The following HECTD4 variants were observed in gnomAD, a reference collection of about 807,000 sequenced individuals.
HECTD4 encodes the protein HECT domain E3 ubiquitin protein ligase 4.
In HECTD4, 114 loss-of-function variants were observed where a neutral mutation model predicts 471.5. The ratio of observed to expected loss-of-function variants is 0.24; its 90% CI spans 0.21 to 0.28. The LOEUF is 0.28. Ranked by LOEUF, HECTD4 falls within the 10% of genes least tolerant of loss-of-function variation. HECTD4 has a pLI of 1.00. For missense variants in HECTD4, 3,866 were observed against 5,651.5 expected, an observed-to-expected ratio of 0.68 and a Z score of 10.13; for synonymous variants, 2,012 against 2,256.0, an observed-to-expected ratio of 0.89 and a Z score of 3.07.
chr12:112,225,249 T>C (rs994868888), intron 44 of HECTD4, among the ~76,000 whole-genome samples: 20 of 131,934 alleles, frequency 1.5e-4, no homozygotes, highest in African/African-American at 5.7e-4. Flanking sequence ...TAACAAAAAC[T>C]ACAAACAGAA....
chr12:112,176,531 G>C (rs1227286519), intron 65 of HECTD4, 65 bp downstream of exon 65: 1 of 1,131,220 alleles, frequency 8.8e-7, no homozygotes, highest in Non-Finnish European at 1.3e-6. Context: ...TGCTCCTCGG[G>C]GGGTGCCTAG....
At chr12:112,219,343 G>T in intron 45 of HECTD4, 43 bp downstream of exon 45, 3 of 1,383,920 alleles carry the variant, frequency 2.2e-6, no homozygotes, top group Non-Finnish European at 3.1e-6. Flanking sequence ...TCAGTGATGT[G>T]TGTGGAGGCT....
At chr12:112,257,469 T>C (rs1381485313) in intron 20 of HECTD4, among the ~76,000 whole-genome samples, 1 of 152,236 alleles carries the variant, frequency 6.6e-6, no homozygotes, top group Non-Finnish European at 1.5e-5. Flanking sequence ...TACAACTTGA[T>C]AAGTTTGGAC....
chr12:112,367,176 C>T (rs983921269), intron 1 of HECTD4, among the ~76,000 whole-genome samples: 1 of 151,184 alleles, frequency 6.6e-6, no homozygotes, highest in Non-Finnish European at 1.5e-5. Flanking sequence ...GTGGCGCACA[C>T]CTGTAATCCC....
chr12:112,237,546 G>A (rs1043032915), intron 34 of HECTD4, among the ~76,000 whole-genome samples: 16 of 151,768 alleles, frequency 1.1e-4, no homozygotes, highest in African/African-American at 3.9e-4. Context: ...CTTTTAGATC[G>A]CTGAGTCTAC....
intron 55 of HECTD4, among the ~76,000 whole-genome samples, chr12:112,198,576 A>G (rs1238060152): frequency 4.6e-5 from 7 of 152,022 alleles, no homozygotes; most frequent in Admixed American, 4.6e-4. Flanking sequence ...GCAGATGGGG[A>G]CATATTTTGG....
At chr12:112,260,099 C>A (rs1185350437) in intron 18 of HECTD4, among the ~76,000 whole-genome samples, 2 of 152,090 alleles carry the variant, frequency 1.3e-5, no homozygotes, top group Admixed American at 1.3e-4. Context: ...AAACTCTATG[C>A]GCATTAAACA....
chr12:112,267,150 G>T, intron 13 of HECTD4, 168 bp from the exon 14 acceptor site: 1 of 587,456 alleles, frequency 1.7e-6, no homozygotes, highest in Non-Finnish European at 3.1e-6. Context: ...GATCTGGCTG[G>T]CTAGGCAGGT....
At chr12:112,278,669 G>A (rs1169091942) in intron 9 of HECTD4, among the ~76,000 whole-genome samples, 1 of 152,166 alleles carries the variant, frequency 6.6e-6, no homozygotes, top group Admixed American at 6.5e-5. Flanking sequence ...AAGGTGGGTG[G>A]ATCACCTGAG....
Position 112,248,118 on chromosome 12 carries a change from CT to C in HECTD4, c.4196del (p.Gln1399ArgfsTer21), listed in dbSNP as rs748156517. 1 of 1,613,632 alleles carries C rather than the reference CT, an allele frequency of 6.2e-7. No homozygotes were observed. Among genetic ancestry groups the C allele is most frequent in the Non-Finnish European group, 8.5e-7 (1 of 1,179,776 alleles). ...AAGGCATGTTGTTCTCCAGTTTCCC[CT>C]GCATGGCATCATCAACTTCACTTTG... ...KWQSEVDDAM[Q>X]GKLENNMPFF... On this transcript the variant is annotated frameshift_variant, in exon 27 of 76. Coordinates refer to ENST00000682272, the MANE Select transcript of HECTD4 (RefSeq NM_001388303.1). LOFTEE classifies it high-confidence loss of function.
chr12:112,296,237 G>A (rs1398885360), intron 7 of HECTD4, among the ~76,000 whole-genome samples: 3 of 147,978 alleles, frequency 2.0e-5, no homozygotes, highest in Non-Finnish European at 4.4e-5. Context: ...ACAGTGGTAG[G>A]TGCAGAGCGT....
Position 112,184,648 on chromosome 12 carries a change from C to T in HECTD4, c.10318G>A (p.Asp3440Asn), listed in dbSNP as rs758592425. 1 of 1,613,882 alleles carries T rather than the reference C, an allele frequency of 6.2e-7. No homozygotes were observed. Reference sequence around the variant, plus strand: ...GCCTTGTCTTTTGGCTTCTTGGTGTCTTCTTCCTGCAGCGGGATGTAGATC... The same window carrying T: ...GCCTTGTCTTTTGGCTTCTTGGTGTTTTCTTCCTGCAGCGGGATGTAGATC... ...DEIYIPLQEE[D>N]TKKPKDKAEG... is the part of the protein sequence containing the mutation. Residue 3440 changes from aspartate to asparagine, a missense_variant, in exon 61 of 76, where the codon GAC (aspartate) becomes AAC (asparagine). Around this residue, in one of 16 missense-constraint regions of HECTD4, gnomAD observed 71 missense variants for 144.5 expected, o/e 0.49. Transcript: ENST00000682272. This position sits in a 1 kb window ranked among gnomAD's most constrained non-coding sequence, Gnocchi z 9.1.
At chr12:112,330,497 T>C (rs527414029) in intron 1 of HECTD4, among the ~76,000 whole-genome samples, 2 of 152,280 alleles carry the variant, frequency 1.3e-5, no homozygotes, top group Admixed American at 6.5e-5. Flanking sequence ...AAAATCACTA[T>C]TGACAATTTT....
chr12:112,335,728 C>T (rs2035945532), intron 1 of HECTD4, among the ~76,000 whole-genome samples: 1 of 152,066 alleles, frequency 6.6e-6, no homozygotes, highest in Non-Finnish European at 1.5e-5. Flanking sequence ...GTATACTGCT[C>T]AGATGATGGG....
At chr12:112,230,934 A>G in intron 39 of HECTD4, 112 bp from the exon 40 acceptor site, 1 of 974,954 alleles carries the variant, frequency 1.0e-6, no homozygotes, top group Non-Finnish European at 1.5e-6. Context: ...TACAAGAAAA[A>G]GTGGATTCCA....
chr12:112,215,514 G>T (rs1416059588), intron 48 of HECTD4, among the ~76,000 whole-genome samples: 2 of 152,302 alleles, frequency 1.3e-5, no homozygotes, highest in South Asian at 4.1e-4. Flanking sequence ...TTTACATGGA[G>T]ACTAAAAAGA....
chr12:112,382,163 C>T lies in HECTD4; in HGVS notation c.-35G>A. On this transcript the variant is annotated 5_prime_UTR_variant, in exon 1 of 76. Coordinates refer to ENST00000682272, the MANE Select transcript of HECTD4 (RefSeq NM_001388303.1). ...TGAAGGCTTGGCGCTGAGGAGCAGACGCCCGGCCGGGGGAAACGGAGCAGG... is the reference window on the plus strand; with the variant it reads ...TGAAGGCTTGGCGCTGAGGAGCAGATGCCCGGCCGGGGGAAACGGAGCAGG... 1 of 1,214,128 alleles carries T rather than the reference C, an allele frequency of 8.2e-7. No homozygotes were observed. Among genetic ancestry groups the T allele is most frequent in the Non-Finnish European group, 1.0e-6 (1 of 977,550 alleles). 75.2% of individuals were successfully genotyped at this position (1,214,128 alleles called of 1,614,324 possible).
At chr12:112,167,756 A>C (rs1204035034) in intron 71 of HECTD4, 58 bp downstream of exon 71, 1 of 1,454,446 alleles carries the variant, frequency 6.9e-7, no homozygotes, top group East Asian at 2.3e-5. Context: ...CCGCCACCCC[A>C]GCCACTGCGC....
Position 112,314,554 on chromosome 12 carries a change from TA to T in HECTD4, c.696-9del, listed in dbSNP as rs1173577668. 1 of 1,412,450 alleles carries T rather than the reference TA, an allele frequency of 7.1e-7. No individual in the cohort carries two copies. Among genetic ancestry groups the T allele is most frequent in the Admixed American group, 2.0e-5 (1 of 50,630 alleles). 87.5% of individuals were successfully genotyped at this position (1,412,450 alleles called of 1,614,324 possible). ...AAAGTTTTCAATGATCCCCTAAAAA[TA>T]AAAGGAAGGAACAGTAAATCATCAA... On this transcript the variant is annotated splice_polypyrimidine_tract_variant and intron_variant, in intron 2 of 75. Coordinates refer to ENST00000682272, the MANE Select transcript of HECTD4 (RefSeq NM_001388303.1).
Sources: gnomAD v4.1 joint callset for allele counts (sites outside exome capture counted in the v4.1 genomes callset) on GRCh38, gnomAD v4.1.1 for gene constraint, gnomAD v4.1.1 regional missense constraint, Gnocchi (gnomAD v3.1) non-coding constraint, MANE v1.5 for transcripts, NCBI Gene and HGNC (gene_info 2026-07-23, HGNC 2026-07-21) for gene names.